NCK1: variants seen among roughly 807,000 people sequenced by gnomAD.
NCK1 encodes SH2/SH3 adapter protein NCK1.
In NCK1, 19 loss-of-function variants were observed where a neutral mutation model predicts 36.6. The observed-to-expected ratio is 0.52, with a 90% CI of 0.36 to 0.76. The LOEUF (loss-of-function observed/expected upper bound fraction) is 0.76. Among genes scored for constraint, NCK1 ranks in the 30% least tolerant of loss-of-function variants. The pLI is 0.00. For synonymous variants in NCK1, 165 were observed against 156.0 expected, an observed-to-expected ratio of 1.06 and a Z score of -0.43; for missense variants, 358 against 445.6, an observed-to-expected ratio of 0.80 and a Z score of 1.77.
chr3:136,919,819 T>C (rs537670196), intron 1 of NCK1, among the ~76,000 whole-genome samples: 124 of 152,182 alleles, frequency 8.1e-4, no homozygotes, highest in African/African-American at 2.3e-3. Context: ...CTAAGGAAAA[T>C]GTAAGGAACC....
intron 1 of NCK1, among the ~76,000 whole-genome samples, chr3:136,920,061 G>T (rs797002813): frequency 6.6e-6 from 1 of 152,044 alleles, no homozygotes; most frequent in Admixed American, 6.6e-5. Flanking sequence ...AATGCAAAAA[G>T]ACAAGGCAAT....
intron 1 of NCK1, among the ~76,000 whole-genome samples, chr3:136,885,008 A>G (rs1939041144): frequency 6.6e-6 from 1 of 152,182 alleles, no homozygotes; most frequent in Non-Finnish European, 1.5e-5. Context: ...GGTGTGAGCC[A>G]CTGCGCCTGC....
intron 1 of NCK1, among the ~76,000 whole-genome samples, chr3:136,908,012 T>C (rs1235361709): frequency 6.6e-6 from 1 of 152,218 alleles, no homozygotes; most frequent in Non-Finnish European, 1.5e-5. Context: ...GAATATTTTT[T>C]CAATCTTAGT....
At position 136,912,765 on chromosome 3, in the gene NCK1, C is replaced by T. The variant is rs577561170; in HGVS notation, c.-18-15219C>T. 2.0e-4 allele frequency among the ~76,000 whole-genome samples: 30 copies of T among 152,158 alleles called. No homozygotes were observed. The East Asian group carries it at 5.4e-3, about 27-fold the overall frequency. On this transcript the variant is annotated intron_variant, in intron 1 of 3. Transcript: ENST00000481752. ...CAAACTCCTGGGCTCAAGCAGTCCC[C>T]CTGCTTCAGCTTCCTGAGTAGCTGG...
At chr3:136,945,238 C>G (rs1940779046) in intron 2 of NCK1, among the ~76,000 whole-genome samples, 1 of 152,096 alleles carries the variant, frequency 6.6e-6, no homozygotes, top group African/African-American at 2.4e-5. Flanking sequence ...CCTTTGTGTA[C>G]TTAGATTGTA....
chr3:136,914,418 CAG>C (rs1032182128), intron 1 of NCK1, among the ~76,000 whole-genome samples: 1 of 152,176 alleles, frequency 6.6e-6, no homozygotes, highest in Non-Finnish European at 1.5e-5. Flanking sequence ...TTAAATAAGA[CAG>C]ATTATACTAG....
At chr3:136,923,651 G>T (rs1379166806) in intron 1 of NCK1, among the ~76,000 whole-genome samples, 1 of 152,096 alleles carries the variant, frequency 6.6e-6, no homozygotes, top group Non-Finnish European at 1.5e-5. Flanking sequence ...TATGGAAGAA[G>T]ACCTCTCTAA....
At chr3:136,896,361 C>T (rs1479019668) in intron 1 of NCK1, among the ~76,000 whole-genome samples, 1 of 152,160 alleles carries the variant, frequency 6.6e-6, no homozygotes, top group Non-Finnish European at 1.5e-5. Flanking sequence ...ATCTTTTAAA[C>T]CCACTGAATG....
chr3:136,894,807 T>C (rs1336824707), intron 1 of NCK1, among the ~76,000 whole-genome samples: 1 of 152,222 alleles, frequency 6.6e-6, no homozygotes, highest in Non-Finnish European at 1.5e-5. Context: ...TAAATTTTGC[T>C]AGATTTTTTA....
At chr3:136,947,350 AAG>A (rs907620070) in intron 3 of NCK1, among the ~76,000 whole-genome samples, 2 of 152,098 alleles carry the variant, frequency 1.3e-5, no homozygotes, top group Admixed American at 1.3e-4. Context: ...ACTAATTAAA[AAG>A]AAGATAGCTT....
intron 1 of NCK1, among the ~76,000 whole-genome samples, chr3:136,891,087 G>A (rs114937038): frequency 1.4e-3 from 210 of 152,330 alleles, no homozygotes; most frequent in African/African-American, 4.7e-3. Context: ...CCAAAGGCTG[G>A]TACTGTTCCG....
At position 136,951,092 on chromosome 3, in the gene NCK1, TAGA is replaced by T. The variant is rs1382561677; in HGVS notation, c.*2644_*2646del. 6.6e-6 allele frequency among the ~76,000 whole-genome samples: 1 copy of T among 152,212 alleles called. No individual in the cohort carries two copies. The highest frequency in any genetic ancestry group is 1.5e-5 in the Non-Finnish European group (1 of 68,028). ...GCTTCATGCAATCTATTGCCATTGCTAGAAGAATAAATAGGCCTAGCAGATGGG... is the reference window on the plus strand; with the variant it reads ...GCTTCATGCAATCTATTGCCATTGCTAGAATAAATAGGCCTAGCAGATGGG... On this transcript the variant is annotated 3_prime_UTR_variant, in exon 4 of 4. Transcript: ENST00000481752.
At position 136,899,466 on chromosome 3, in the gene NCK1, G is replaced by T. The variant is rs1218248691; in HGVS notation, c.-18-28518G>T. 10 of 314,334 alleles carry T rather than the reference G, an allele frequency of 3.2e-5. No individual in the cohort carries two copies. The East Asian group carries it at 7.8e-4, about 25-fold the overall frequency. The allele number at this position is 314,334 out of a possible 1,614,324, so 19.5% of individuals were successfully genotyped here. On this transcript the variant is annotated intron_variant, in intron 1 of 3. Transcript: ENST00000481752. ...TTTAACTTTACTTTTTCTCATAGAG[G>T]AGTCTTTGTCATTATCCTCACTCTC...
At chr3:136,936,335 C>A (rs1940530448) in intron 2 of NCK1, among the ~76,000 whole-genome samples, 1 of 152,146 alleles carries the variant, frequency 6.6e-6, no homozygotes, top group African/African-American at 2.4e-5. Context: ...GCCACTGTGC[C>A]CGGCTGGCTG....
intron 1 of NCK1, among the ~76,000 whole-genome samples, chr3:136,894,570 C>A (rs1310952581): frequency 6.6e-6 from 1 of 152,114 alleles, no homozygotes. Flanking sequence ...TTAAACGAGT[C>A]CTTTAGTTTG....
intron 2 of NCK1, among the ~76,000 whole-genome samples, chr3:136,939,857 TTTTTTA>T (rs754510347): frequency 2.8e-4 from 19 of 67,716 alleles, no homozygotes; most frequent in Admixed American, 6.0e-4. Context: ...TTTTTTTTTT[TTTTTTA>T]AAATAGAGAC....
chr3:136,883,226 C>T (rs573072078), intron 1 of NCK1, among the ~76,000 whole-genome samples: 1 of 152,254 alleles, frequency 6.6e-6, no homozygotes, highest in Admixed American at 6.5e-5. Flanking sequence ...CAGCCTACTT[C>T]TTATTACATG....
chr3:136,887,505 T>G (rs1208410204), intron 1 of NCK1, among the ~76,000 whole-genome samples: 1 of 152,330 alleles, frequency 6.6e-6, no homozygotes, highest in African/African-American at 2.4e-5. Context: ...AGTTGAGAGA[T>G]AAAGTTTATA....
chr3:136,912,289 C>G (rs993618640), intron 1 of NCK1, among the ~76,000 whole-genome samples: 1 of 151,314 alleles, frequency 6.6e-6, no homozygotes, highest in South Asian at 2.1e-4. Flanking sequence ...CAGCCTCCCA[C>G]GTAGCTGGAA....
Sources: allele counts gnomAD v4.1 joint callset (sites outside exome capture counted in the v4.1 genomes callset), GRCh38; gene constraint gnomAD v4.1.1; transcripts MANE v1.5; gene names NCBI Gene and HGNC (gene_info 2026-07-23, HGNC 2026-07-21).